Variants in SNX29 observed in about 807,000 individuals in gnomAD.
SNX29 encodes sorting nexin-29.
A neutral mutation model predicts 102.1 loss-of-function variants in SNX29; 78 were observed. That is an observed-to-expected ratio of 0.76 (90% CI 0.64 to 0.92). The LOEUF is 0.92. Among genes scored for constraint, SNX29 ranks in the 40% least tolerant of loss-of-function variants. The probability of loss-of-function intolerance (pLI) is 0.00; values close to 1 mark genes in which losing one functional copy is unlikely to be tolerated. For missense variants in SNX29, 1,280 were observed against 1,061.7 expected, an observed-to-expected ratio of 1.21 and a Z score of -2.86; for synonymous variants, 580 against 414.5, an observed-to-expected ratio of 1.40 and a Z score of -4.85.
intron 13 of SNX29, among the ~76,000 whole-genome samples, chr16:12,176,139 C>A (rs757762613): frequency 6.6e-6 from 1 of 152,172 alleles, no homozygotes; most frequent in Non-Finnish European, 1.5e-5. Context: ...CAGAAGAAAC[C>A]AACTCTGCCA....
At chr16:12,078,719 C>A in intron 10 of SNX29, 114 bp from the exon 11 acceptor site, 1 of 853,478 alleles carries the variant, frequency 1.2e-6, no homozygotes, top group Non-Finnish European at 2.0e-6. Context: ...ATGACTGCCT[C>A]TATCCCTTCT....
At chr16:12,446,019 C>G (rs908584111) in intron 18 of SNX29, among the ~76,000 whole-genome samples, 1 of 151,172 alleles carries the variant, frequency 6.6e-6, no homozygotes, top group Non-Finnish European at 1.5e-5. Flanking sequence ...AGCTCCTGGA[C>G]GTGCAGTTGA....
intron 15 of SNX29, among the ~76,000 whole-genome samples, chr16:12,300,495 C>T (rs144687401): frequency 1.3e-5 from 2 of 152,132 alleles, no homozygotes; most frequent in East Asian, 1.9e-4. Context: ...TGTTTATGAA[C>T]GACTTAATAG....
chr16:12,518,751 G>A (rs1362863056), intron 19 of SNX29, among the ~76,000 whole-genome samples: 1 of 152,174 alleles, frequency 6.6e-6, no homozygotes, highest in African/African-American at 2.4e-5. Context: ...CAGCTACCAG[G>A]TGCTGAGCCT....
chr16:12,043,171 C>T (rs1157042319), intron 5 of SNX29, 94 bp downstream of exon 5: 2 of 1,502,254 alleles, frequency 1.3e-6, no homozygotes, highest in African/African-American at 2.8e-5. Flanking sequence ...ATCCTAGTTC[C>T]CCGATCTGGG....
intron 11 of SNX29, among the ~76,000 whole-genome samples, chr16:12,116,333 A>G (rs2053700453): frequency 6.6e-6 from 1 of 152,208 alleles, no homozygotes. Context: ...AGAATGGATT[A>G]ACAAATTGTG....
intron 13 of SNX29, among the ~76,000 whole-genome samples, chr16:12,181,147 C>G (rs1183763193): frequency 6.6e-6 from 1 of 152,208 alleles, no homozygotes; most frequent in Non-Finnish European, 1.5e-5. Context: ...CTTTACTGCA[C>G]TTCTCAACGT....
At chr16:12,564,802 C>A (rs551261511) in intron 20 of SNX29, among the ~76,000 whole-genome samples, 2 of 151,886 alleles carry the variant, frequency 1.3e-5, no homozygotes, top group South Asian at 4.2e-4. Context: ...ATGGTGTTGT[C>A]ATTCCAGAAG....
At chr16:12,436,043 G>A (rs1440587487) in intron 18 of SNX29, among the ~76,000 whole-genome samples, 1 of 152,230 alleles carries the variant, frequency 6.6e-6, no homozygotes, top group Non-Finnish European at 1.5e-5. Flanking sequence ...ATCAAATGTT[G>A]TGGGGGCGGG....
At chr16:12,266,249 C>G (rs894579385) in intron 14 of SNX29, among the ~76,000 whole-genome samples, 10 of 152,070 alleles carry the variant, frequency 6.6e-5, no homozygotes, top group Non-Finnish European at 1.5e-5. Context: ...CGTTTATACT[C>G]ACACCGCTCT....
chr16:12,514,467 A>G (rs1380759835), intron 19 of SNX29, among the ~76,000 whole-genome samples: 2 of 152,194 alleles, frequency 1.3e-5, no homozygotes, highest in African/African-American at 2.4e-5. Flanking sequence ...CTCAGGAATC[A>G]GGCCTCTTGG....
At chr16:12,554,098 G>T (rs1034512314) in intron 20 of SNX29, among the ~76,000 whole-genome samples, 1 of 152,220 alleles carries the variant, frequency 6.6e-6, no homozygotes, top group Non-Finnish European at 1.5e-5. Context: ...AAGCACTTGG[G>T]ATTACAGGTC....
chr16:12,560,555 C>G (rs545116919), intron 20 of SNX29, among the ~76,000 whole-genome samples: 4 of 152,172 alleles, frequency 2.6e-5, no homozygotes, highest in African/African-American at 9.7e-5. Flanking sequence ...TGAAACGTTG[C>G]TCAGTGTGAT....
At chr16:12,085,757 TG>T (rs2052141203) in intron 11 of SNX29, among the ~76,000 whole-genome samples, 1 of 152,218 alleles carries the variant, frequency 6.6e-6, no homozygotes, top group Non-Finnish European at 1.5e-5. Context: ...CCATGTATGG[TG>T]CTGAAGCATT....
chr16:12,563,601 TCAC>T (rs10579319), intron 20 of SNX29, among the ~76,000 whole-genome samples: 30,288 of 142,448 alleles, frequency 0.21, 3,928 homozygotes, highest in Non-Finnish European at 0.3. Flanking sequence ...CATGTCTGTA[TCAC>T]CACATCTCAC....
At chr16:12,276,092 C>T (rs1023909057) in intron 14 of SNX29, among the ~76,000 whole-genome samples, 2 of 151,986 alleles carry the variant, frequency 1.3e-5, no homozygotes, top group African/African-American at 4.8e-5. Flanking sequence ...AGGGTTTCTC[C>T]ATGTTGGCCA....
At chr16:12,261,020 G>A (rs1405223173) in intron 14 of SNX29, among the ~76,000 whole-genome samples, 9 of 148,810 alleles carry the variant, frequency 6.0e-5, no homozygotes, top group East Asian at 2.0e-4. Flanking sequence ...GTCTGTGCAC[G>A]TGTCCCCGGC....
At position 12,569,267 on chromosome 16, in the gene SNX29, G is replaced by T; in HGVS notation, c.*638G>T. 4.4e-6 allele frequency: 1 copy of T among 227,842 alleles called. No homozygotes were observed. The highest frequency in any genetic ancestry group is 8.7e-6 in the Non-Finnish European group (1 of 114,766). 14.1% of individuals were successfully genotyped at this position (227,842 alleles called of 1,614,324 possible). A position where few individuals can be genotyped will look rare whatever the true frequency, so the allele number is the denominator to read the frequency against. On this transcript the variant is annotated 3_prime_UTR_variant, in exon 21 of 21. Coordinates refer to ENST00000566228, the MANE Select transcript of SNX29 (RefSeq NM_032167.5). ...GAGCCATTAGTGATGTGCAACTTGA[G>T]TTCAGAGAACTTCCCCTACCTCCCC...
chr16:12,055,149 G>A (rs1055025679), intron 8 of SNX29, among the ~76,000 whole-genome samples: 8 of 151,930 alleles, frequency 5.3e-5, no homozygotes, highest in African/African-American at 1.9e-4. Flanking sequence ...TTCCTTCTCT[G>A]TCCTGCTCTA....
Sources: allele counts gnomAD v4.1 joint callset (sites outside exome capture counted in the v4.1 genomes callset), GRCh38; gene constraint gnomAD v4.1.1; transcripts MANE v1.5; gene names NCBI Gene and HGNC (gene_info 2026-07-23, HGNC 2026-07-21).